DENND2B: variants seen among roughly 807,000 people sequenced by gnomAD.
DENND2B encodes the protein DENN domain-containing protein 2B.
In DENND2B, 32 loss-of-function variants were observed where a neutral mutation model predicts 116.0. That is an observed-to-expected ratio of 0.28 (90% confidence interval 0.21 to 0.37). The LOEUF (loss-of-function observed/expected upper bound fraction) is 0.37. DENND2B is among the 10% of genes least tolerant of loss of function. The pLI is 1.00. For synonymous variants in DENND2B, 588 were observed against 583.9 expected (o/e 1.01, Z -0.10); for missense variants, 1,276 against 1,477.7 (o/e 0.86, Z 2.24).
chr11:8,795,945 A>G (rs2059776276), intron 1 of DENND2B, among the ~76,000 whole-genome samples: 1 of 152,178 alleles, frequency 6.6e-6, no homozygotes, highest in African/African-American at 2.4e-5. Context: ...TCCCAACTAC[A>G]TTATCTTTCC....
chr11:8,792,551 G>A (rs552381900), intron 1 of DENND2B, among the ~76,000 whole-genome samples: 9 of 152,110 alleles, frequency 5.9e-5, no homozygotes, highest in East Asian at 1.9e-4. Context: ...TCCTAATGCC[G>A]TATGTATGTA....
chr11:8,711,165 A>G lies in DENND2B; in HGVS notation c.2239T>C (p.Phe747Leu). ...ERLKAIPQFC[F>L]PDAKDWLPVS... ...GGAAGCCAGTCCTTGGCATCAGGGA[A>G]GCAAAACTGGGGAATGGCTTTGAGC... Residue 747 changes from phenylalanine (F) to leucine (L), a missense_variant, in exon 10 of 20, where the codon TTC becomes CTC. By Grantham distance (22) the Phe-to-Leu change is conservative. Transcript: ENST00000313726. The G allele has an allele frequency of 6.2e-7, 1 of 1,614,156 alleles. No individual in the cohort carries two copies. The highest frequency in any genetic ancestry group is 8.5e-7 in the Non-Finnish European group (1 of 1,180,026).
rs187390269 is a variant in DENND2B at position 8,908,280 on chromosome 11, G to A, written c.-256+2541C>T. On this transcript the variant is annotated intron_variant, in intron 1 of 22. Transcript: ENST00000534127. ...GAACCACTGGGAAAAGTTTCAAAGA[G>A]CTGACCTGACAAAAAGAAAGTAGTG... 1.2e-3 allele frequency among the ~76,000 whole-genome samples: 184 copies of A among 152,278 alleles called. 1 individual carries two copies. The highest frequency in any genetic ancestry group is 0.011 in the Admixed American group (173 of 15,292).
Position 8,730,251 on chromosome 11 carries a change from C to G in DENND2B, c.1039G>C (p.Glu347Gln). Residue 347 changes from glutamate (E) to glutamine (Q), a missense_variant, in exon 3 of 20, where the codon GAG becomes CAG. By Grantham distance (29) the Glu-to-Gln change is conservative (BLOSUM62 2). Coordinates refer to ENST00000313726, the MANE Select transcript of DENND2B (RefSeq NM_213618.2). The surrounding 1 kb of genome is among the most constrained non-coding windows in gnomAD (Gnocchi z 4.1). ...TCCCTCTCTGGGGGTGGGCCCGCCT[C>G]CCCCGCAACACCAGCCACTCCGACT... ...RAVGVAGVAG[E>Q]AGPPPEREGS... is the part of the protein sequence containing the mutation. 6.2e-7 allele frequency: 1 copy of G among 1,611,464 alleles called. No homozygotes were observed. Among genetic ancestry groups the G allele is most frequent in the East Asian group, 2.2e-5 (1 of 44,868 alleles).
Position 8,717,854 on chromosome 11 carries a change from A to G in DENND2B, c.1516T>C (p.Leu506=). The change falls in exon 5 of 20, where the codon TTA becomes CTA. Residue 506 remains leucine (L), a synonymous_variant. Transcript: ENST00000313726. Reference sequence around the variant, plus strand: ...TTTCGTCCTGCTCTTCGGCTCTTTAAGTCCACATCCTCATATGGATTCTCC... The same window carrying G: ...TTTCGTCCTGCTCTTCGGCTCTTTAGGTCCACATCCTCATATGGATTCTCC... The part of the protein sequence containing the change: ...PKENPYEDVD[L]KSRRAGRKSQ... The G allele has an allele frequency of 1.2e-6, 2 of 1,613,284 alleles. No individual in the cohort carries two copies. The highest frequency in any genetic ancestry group is 8.5e-7 in the Non-Finnish European group (1 of 1,179,524).
At chr11:8,755,840 T>C (rs1468436770) in intron 1 of DENND2B, among the ~76,000 whole-genome samples, 1 of 152,192 alleles carries the variant, frequency 6.6e-6, no homozygotes, top group Non-Finnish European at 1.5e-5. Flanking sequence ...GTGATGATGA[T>C]GATGATGATA....
At chr11:8,812,474 C>T (rs1052791500), upstream of DENND2B, among the ~76,000 whole-genome samples, 3 of 152,100 alleles carry the variant, frequency 2.0e-5, no homozygotes, top group Admixed American at 1.3e-4. Context: ...CATTATTATA[C>T]TAATTTAACA....
At chr11:8,869,240 G>T (rs890388546) in intron 2 of DENND2B, among the ~76,000 whole-genome samples, 3 of 152,186 alleles carry the variant, frequency 2.0e-5, no homozygotes, top group Non-Finnish European at 4.4e-5. Context: ...TACTTTTAAG[G>T]TAAGAGTTGC....
chr11:8,890,451 G>T (rs1389351947), intron 1 of DENND2B, among the ~76,000 whole-genome samples: 1 of 152,156 alleles, frequency 6.6e-6, no homozygotes, highest in African/African-American at 2.4e-5. Flanking sequence ...CTGAGCTAAA[G>T]GAGGAAGTTT....
chr11:8,847,909 A>G (rs1381839040), intron 3 of DENND2B, among the ~76,000 whole-genome samples: 1 of 152,210 alleles, frequency 6.6e-6, no homozygotes, highest in Non-Finnish European at 1.5e-5. Flanking sequence ...GCAAATGATC[A>G]AAGTCTTTGA....
At chr11:8,748,004 G>GC (rs2051592130) in intron 2 of DENND2B, among the ~76,000 whole-genome samples, 1 of 152,028 alleles carries the variant, frequency 6.6e-6, no homozygotes, top group Non-Finnish European at 1.5e-5. Flanking sequence ...GGTCCCATCT[G>GC]CCCACCCCCG....
chr11:8,744,217 T>G (rs1478785869), intron 2 of DENND2B, among the ~76,000 whole-genome samples: 1 of 147,430 alleles, frequency 6.8e-6, no homozygotes, highest in Non-Finnish European at 1.5e-5. Context: ...CACCACAACC[T>G]CCGCCTCCTG....
intron 1 of DENND2B, among the ~76,000 whole-genome samples, chr11:8,806,805 T>C (rs2060900144): frequency 1.3e-5 from 2 of 151,824 alleles, no homozygotes; most frequent in Admixed American, 6.6e-5. Context: ...ATGAAACAAA[T>C]GCCTAGCCTC....
intron 1 of DENND2B, among the ~76,000 whole-genome samples, chr11:8,760,101 C>T (rs553506060): frequency 3.9e-5 from 6 of 152,328 alleles, no homozygotes; most frequent in Admixed American, 1.3e-4. Context: ...GCAAAAGGCA[C>T]AGCCCCTCTC....
At chr11:8,881,661 G>C (rs1449295588) in intron 1 of DENND2B, among the ~76,000 whole-genome samples, 1 of 152,122 alleles carries the variant, frequency 6.6e-6, no homozygotes. Context: ...TCAGCCTCCT[G>C]AGTAGCTGGG....
chr11:8,860,713 C>T (rs149590109), intron 2 of DENND2B, among the ~76,000 whole-genome samples: 1,575 of 152,024 alleles, frequency 0.01, 17 homozygotes, highest in Non-Finnish European at 0.014. Context: ...CATATGGAAC[C>T]AAAAAGGAGC....
chr11:8,827,754 T>G (rs1245777763), intron 4 of DENND2B, among the ~76,000 whole-genome samples: 2 of 152,224 alleles, frequency 1.3e-5, no homozygotes, highest in Admixed American at 1.3e-4. Context: ...AGCAAGCTTC[T>G]GAAGGGTGAA....
intron 3 of DENND2B, among the ~76,000 whole-genome samples, chr11:8,728,996 C>T (rs1592814630): frequency 1.3e-5 from 2 of 152,300 alleles, no homozygotes; most frequent in South Asian, 2.1e-4. Context: ...CCCTTAGCCA[C>T]GGGCTGTTCC....
intron 2 of DENND2B, among the ~76,000 whole-genome samples, chr11:8,858,462 C>A (rs2134669094): frequency 6.6e-6 from 1 of 152,100 alleles, no homozygotes; most frequent in African/African-American, 2.4e-5. Flanking sequence ...CGAGCCCACA[C>A]TCAAATGAAC....
Sources: allele counts gnomAD v4.1 joint callset (sites outside exome capture counted in the v4.1 genomes callset), GRCh38; gene constraint gnomAD v4.1.1; non-coding constraint Gnocchi (gnomAD v3.1); transcripts MANE v1.5; gene names NCBI Gene and HGNC (gene_info 2026-07-23, HGNC 2026-07-21).